PAK4: variants seen among roughly 807,000 people sequenced by gnomAD.
PAK4 encodes the protein serine/threonine-protein kinase PAK 4.
In PAK4, 49 loss-of-function variants were observed where a neutral mutation model predicts 53.5. The observed-to-expected ratio is 0.92, with a 90% CI of 0.73 to 1.16. PAK4 has a LOEUF of 1.16. Ranked by LOEUF, PAK4 falls within the 50% of genes most tolerant of loss-of-function variation. PAK4 has a pLI of 0.00. For missense variants in PAK4, 824 were observed against 850.7 expected, an observed-to-expected ratio of 0.97 and a Z score of 0.39; for synonymous variants, 376 against 375.6, an observed-to-expected ratio of 1.00 and a Z score of -0.01.
rs2074656642 is a variant in PAK4, at chr19:39,178,517, CTGGCCAAGGCAGGGCCGCCTGCCAGCA to C, written c.1716_1742del (p.Ala573_Ile581del). ...AGCCGAGCTGCTGAAGCACCCATTC[CTGGCCAAGGCAGGGCCGCCTGCCAGCA>C]TCGTGCCCCTCATGCGCCAGAACCG... On this transcript the variant is annotated inframe_deletion, in exon 9 of 9. Coordinates refer to ENST00000358301, the Ensembl canonical transcript of PAK4. The surrounding 1 kb of genome is among the most constrained non-coding windows in gnomAD (Gnocchi z 4.4). 6.2e-7 allele frequency: 1 copy of C among 1,612,080 alleles called. No individual in the cohort carries two copies. Among genetic ancestry groups the C allele is most frequent in the African/African-American group, 1.3e-5 (1 of 75,036 alleles).
At chr19:39,169,975 CT>C (rs58730560) in intron 2 of PAK4, among the ~76,000 whole-genome samples, 87,810 of 151,798 alleles carry the variant, frequency 0.58, 26,149 homozygotes, top group East Asian at 0.83. Context: ...CAACCTGAGC[CT>C]CCCCCACGGC....
chr19:39,144,710 C>A (rs1208429320), intron 1 of PAK4, among the ~76,000 whole-genome samples: 1 of 152,196 alleles, frequency 6.6e-6, no homozygotes, highest in South Asian at 2.1e-4. Flanking sequence ...CCAGGAGTTA[C>A]AAGGGGCCAG....
chr19:39,127,055 A>G (rs1663339446), intron 1 of PAK4, among the ~76,000 whole-genome samples: 1 of 151,922 alleles, frequency 6.6e-6, no homozygotes, highest in African/African-American at 2.4e-5. Flanking sequence ...GTTTCCTTGG[A>G]AGGGTGTGAT....
intron 1 of PAK4, among the ~76,000 whole-genome samples, chr19:39,128,096 G>A (rs900655036): frequency 6.6e-6 from 1 of 152,168 alleles, no homozygotes; most frequent in East Asian, 1.9e-4. Flanking sequence ...GGCCAGAGAT[G>A]CCTGGTACAC....
At chr19:39,172,968 G>A in exon 3 of PAK4, 1 of 1,547,542 alleles carries the variant, frequency 6.5e-7, no homozygotes, top group South Asian at 1.2e-5. Context: ...TCACGCTGCT[G>A]CTGGACGAGT....
At chr19:39,174,988 C>G in exon 5 of PAK4, 1 of 1,613,920 alleles carries the variant, frequency 6.2e-7, no homozygotes, top group South Asian at 1.1e-5. Context: ...CAACAGCTAC[C>G]TGGTGGGGGA....
At chr19:39,157,359 C>T (rs922768903) in intron 1 of PAK4, among the ~76,000 whole-genome samples, 1 of 152,106 alleles carries the variant, frequency 6.6e-6, no homozygotes, top group Non-Finnish European at 1.5e-5. Context: ...CCCTGTGTAT[C>T]TATGTGTGGA....
chr19:39,147,466 A>G (rs1217596779), intron 1 of PAK4, among the ~76,000 whole-genome samples: 1 of 152,172 alleles, frequency 6.6e-6, no homozygotes, highest in Non-Finnish European at 1.5e-5. Context: ...AACCTCGACA[A>G]AGAGGGTTTC....
At chr19:39,131,034 A>G (rs1268624951) in intron 1 of PAK4, among the ~76,000 whole-genome samples, 3 of 152,144 alleles carry the variant, frequency 2.0e-5, no homozygotes, top group East Asian at 1.9e-4. Context: ...CTTCATCTTC[A>G]CAGCAACCTG....
chr19:39,178,672 C>T lies in PAK4; in HGVS notation c.*93C>T. On this transcript the variant is annotated 3_prime_UTR_variant, in exon 9 of 9. Coordinates refer to ENST00000358301, the Ensembl canonical transcript of PAK4. This position sits in a 1 kb window ranked among gnomAD's most constrained non-coding sequence, Gnocchi z 4.4. ...GGGCCAGGCCTCCCACTCCTCCCAG[C>T]CCGGGAGATGCTCCGCGTGGCACCA... 1.7e-6 allele frequency: 2 copies of T among 1,178,668 alleles called. No homozygotes were observed. Among genetic ancestry groups the T allele is most frequent in the East Asian group, 2.6e-5 (1 of 37,754 alleles). The allele number at this position is 1,178,668 out of a possible 1,614,324, so 73.0% of individuals were successfully genotyped here. A position where few individuals can be genotyped will look rare whatever the true frequency, so the allele number is the denominator to read the frequency against.
At chr19:39,174,102 C>A in intron 4 of PAK4, 92 bp downstream of exon 5, 1 of 847,316 alleles carries the variant, frequency 1.2e-6, no homozygotes. Flanking sequence ...TGCACTCCTC[C>A]GTGCTGGGCC....
chr19:39,157,286 G>A (rs2074201871), intron 1 of PAK4, among the ~76,000 whole-genome samples: 1 of 152,116 alleles, frequency 6.6e-6, no homozygotes, highest in African/African-American at 2.4e-5. Context: ...GTGTCCTGGG[G>A]TGCAGTGCGG....
exon 2 of PAK4, chr19:39,169,726 G>C: frequency 6.2e-7 from 1 of 1,608,916 alleles, no homozygotes; most frequent in East Asian, 2.2e-5. Flanking sequence ...GACCCCGCCT[G>C]CATCACCTCC....
intron 1 of PAK4, among the ~76,000 whole-genome samples, chr19:39,145,547 G>A (rs1312555527): frequency 1.3e-5 from 2 of 152,148 alleles, no homozygotes; most frequent in African/African-American, 2.4e-5. Flanking sequence ...CCTGCTCCAC[G>A]TGGGTTTGAG....
rs200762530 is a variant in PAK4, at chr19:39,135,639, C to CGT, written c.-23+9723_-23+9724dup. On this transcript the variant is annotated intron_variant, in intron 1 of 8. Coordinates refer to ENST00000358301, the Ensembl canonical transcript of PAK4. ...CGTGAGCCACTGCGCCCTGCCCAAG[C>CGT]GTGTATTCTTTGACCAGCTTTGCGC... Among the ~76,000 whole-genome samples, 1,219 of 152,152 alleles carry CGT rather than the reference C, an allele frequency of 8.0e-3. 23 individuals carry two copies. Among genetic ancestry groups the CGT allele is most frequent in the African/African-American group, 0.028 (1,148 of 41,532 alleles).
At chr19:39,129,137 G>A (rs2073649973) in intron 1 of PAK4, among the ~76,000 whole-genome samples, 1 of 152,082 alleles carries the variant, frequency 6.6e-6, no homozygotes, top group African/African-American at 2.4e-5. Context: ...CTTAACTCCT[G>A]GGCTCAAGCT....
chr19:39,166,063 A>G (rs1258413338), intron 1 of PAK4, among the ~76,000 whole-genome samples: 1 of 152,234 alleles, frequency 6.6e-6, no homozygotes, highest in African/African-American at 2.4e-5. Context: ...ACCGGCACTT[A>G]CTGAGCACTT....
At chr19:39,143,768 C>G (rs2073952001) in intron 1 of PAK4, among the ~76,000 whole-genome samples, 1 of 151,762 alleles carries the variant, frequency 6.6e-6, no homozygotes, top group South Asian at 2.1e-4. Flanking sequence ...GACCTCTGCT[C>G]TACAAAACAT....
At chr19:39,174,996 G>C (rs748215656) in exon 5 of PAK4, 6 of 1,613,806 alleles carry the variant, frequency 3.7e-6, no homozygotes, top group Non-Finnish European at 5.1e-6. Flanking sequence ...ACCTGGTGGG[G>C]GACGAGCTCT....
Sources: gnomAD v4.1 joint callset for allele counts (sites outside exome capture counted in the v4.1 genomes callset) on GRCh38, gnomAD v4.1.1 for gene constraint, Gnocchi (gnomAD v3.1) non-coding constraint, MANE v1.5 for transcripts, NCBI Gene and HGNC (gene_info 2026-07-23, HGNC 2026-07-21) for gene names.